The following PXT1 variants were observed in gnomAD, a reference collection of about 807,000 sequenced individuals.
The protein encoded by PXT1 is peroxisomal testis enriched protein 1.
Under a neutral mutation model 11.0 loss-of-function variants are expected in PXT1, and 11 were observed. The observed-to-expected ratio is 1.00, with a 90% CI of 0.63 to 1.66. The LOEUF is 1.66. Ranked by LOEUF, PXT1 falls within the 40% of genes most tolerant of loss-of-function variation. PXT1 has a pLI of 0.00. For missense variants in PXT1, 141 were observed against 155.5 expected (o/e 0.91, Z 0.49); for synonymous variants, 43 against 51.4 (o/e 0.84, Z 0.70).
chr6:36,411,312 A>G (rs1424588291), intron 3 of PXT1, among the ~76,000 whole-genome samples: 20 of 152,184 alleles, frequency 1.3e-4, no homozygotes, highest in African/African-American at 4.8e-4. Flanking sequence ...TTAGCTGGGC[A>G]TGGTGGTGCA....
intron 1 of PXT1, among the ~76,000 whole-genome samples, chr6:36,440,724 C>G (rs189744039): frequency 1.3e-5 from 2 of 152,050 alleles, no homozygotes; most frequent in Non-Finnish European, 2.9e-5. Context: ...TCTCATATCC[C>G]GTCTCCTTGA....
At chr6:36,418,190 C>T (rs539150098) in intron 3 of PXT1, among the ~76,000 whole-genome samples, 63 of 148,814 alleles carry the variant, frequency 4.2e-4, no homozygotes, top group Admixed American at 2.8e-3. Context: ...AGCGAGACTC[C>T]GTCTCAAAAA....
At chr6:36,396,930 G>A (rs6937326) in intron 4 of PXT1, among the ~76,000 whole-genome samples, 11,565 of 152,074 alleles carry the variant, frequency 0.076, 486 homozygotes, top group Middle Eastern at 0.11. Context: ...TCCCAGGGCC[G>A]CCTCTCCACT....
rs112777415 is a variant in PXT1 at position 36,429,508 on chromosome 6, C to CTTTTTT, written c.-9-3423_-9-3418dup. ...CTTTTCTTTTTTCTTTTTTTCTTTT[C>CTTTTTT]TTTTTTTTTTTTTTGAGATGGAGTT... is the stretch of plus-strand genomic sequence containing the variant. On this transcript the variant is annotated intron_variant, in intron 2 of 4. Transcript: ENST00000454782. Among the ~76,000 whole-genome samples the CTTTTTT allele has an allele frequency of 4.9e-4, 53 of 108,174 alleles. 1 individual carries two copies. Among genetic ancestry groups the CTTTTTT allele is most frequent in the African/African-American group, 1.8e-3 (47 of 26,456 alleles). The allele number at this position is 108,174 out of a possible 152,430, so 71.0% of individuals were successfully genotyped here. A position where few individuals can be genotyped will look rare whatever the true frequency, so the allele number is the denominator to read the frequency against.
chr6:36,425,805 AATATAT>A (rs148236984), intron 3 of PXT1, 103 bp downstream of exon 3: 17 of 335,668 alleles, frequency 5.1e-5, no homozygotes, highest in African/African-American at 2.5e-4. Flanking sequence ...AAAAACAAAA[AATATAT>A]ATATATATAT....
At chr6:36,435,192 C>A (rs964311737) in intron 2 of PXT1, among the ~76,000 whole-genome samples, 1 of 152,142 alleles carries the variant, frequency 6.6e-6, no homozygotes. Flanking sequence ...TTAATCCCAG[C>A]ATTTGGGAGG....
At chr6:36,423,304 C>G (rs897531398) in intron 3 of PXT1, among the ~76,000 whole-genome samples, 1 of 152,388 alleles carries the variant, frequency 6.6e-6, no homozygotes, top group East Asian at 1.9e-4. Flanking sequence ...CGCCAGAGAG[C>G]GCCGCCAGGT....
intron 2 of PXT1, among the ~76,000 whole-genome samples, chr6:36,429,508 C>CTTTTTTTTTTT (rs112777415): frequency 9.2e-6 from 1 of 108,214 alleles, no homozygotes; most frequent in African/African-American, 3.8e-5. Flanking sequence ...TTTTTCTTTT[C>CTTTTTTTTTTT]TTTTTTTTTT....
intron 3 of PXT1, among the ~76,000 whole-genome samples, chr6:36,419,128 GA>G (rs1364560998): frequency 1.3e-5 from 2 of 152,246 alleles, no homozygotes; most frequent in East Asian, 3.9e-4. Context: ...ACAATCACCT[GA>G]AAAAAAGTGA....
intron 3 of PXT1, among the ~76,000 whole-genome samples, chr6:36,410,048 C>T (rs1443273120): frequency 6.7e-6 from 1 of 149,694 alleles, no homozygotes; most frequent in Non-Finnish European, 1.5e-5. Context: ...GGCTGGGGGA[C>T]TCGGTGGCTC....
chr6:36,430,369 C>T (rs629297), intron 2 of PXT1, among the ~76,000 whole-genome samples: 64,866 of 151,916 alleles, frequency 0.43, 15,207 homozygotes, highest in African/African-American at 0.6. Flanking sequence ...CCCTACCAGG[C>T]AGAATGGACT....
intron 2 of PXT1, among the ~76,000 whole-genome samples, chr6:36,428,746 CTT>C (rs59081249): frequency 1.4e-4 from 21 of 146,582 alleles, no homozygotes; most frequent in South Asian, 2.2e-4. Context: ...TCATCTAAAA[CTT>C]TTTTTTTTTT....
intron 3 of PXT1, among the ~76,000 whole-genome samples, chr6:36,424,612 C>T (rs990535103): frequency 6.6e-6 from 1 of 152,206 alleles, no homozygotes; most frequent in Non-Finnish European, 1.5e-5. Flanking sequence ...GCACTCCAGC[C>T]TGGGTGACAG....
intron 3 of PXT1, among the ~76,000 whole-genome samples, chr6:36,425,667 A>G (rs1176843350): frequency 6.6e-6 from 1 of 151,760 alleles, no homozygotes; most frequent in African/African-American, 2.4e-5. Context: ...GGGCGCCTGC[A>G]ATCCCAGCTA....
At chr6:36,411,426 G>A (rs549977604) in intron 3 of PXT1, among the ~76,000 whole-genome samples, 35 of 152,228 alleles carry the variant, frequency 2.3e-4, no homozygotes, top group Non-Finnish European at 4.7e-4. Context: ...ACTTCAGCCT[G>A]GGCAACAAGA....
intron 4 of PXT1, chr6:36,393,044 T>G (rs1300140020): frequency 6.6e-6 from 1 of 152,242 alleles, no homozygotes; most frequent in East Asian, 1.9e-4. Flanking sequence ...CGATCTCGGC[T>G]CACCACAACC....
intron 3 of PXT1, among the ~76,000 whole-genome samples, chr6:36,423,012 C>T (rs1774544326): frequency 6.8e-6 from 1 of 146,650 alleles, no homozygotes; most frequent in Non-Finnish European, 1.5e-5. Flanking sequence ...TCTGGACTTC[C>T]CACGACCCTC....
chr6:36,425,984 G>GT lies in PXT1; in HGVS notation c.98dup (p.Tyr33Ter). ...THCCKSLWLKYSFQKAYMTQL... is the reference protein window; with the variant it reads ...THCCKSLWLK The stretch of plus-strand genomic sequence containing the variant: ...GGGTCATGTATGCCTTCTGAAAACT[G>GT]TATTTTAACCACAGTGATTTGCAAC... Residue 33 changes from tyrosine (Y) to a stop codon, truncating the protein, a stop_gained and frameshift_variant, in exon 3 of 5, where the codon TAC (tyrosine) becomes TAAC (stop). Coordinates refer to ENST00000454782, the MANE Select transcript of PXT1 (RefSeq NM_152990.4). LOFTEE classifies it high-confidence loss of function. 1.3e-6 allele frequency: 2 copies of GT among 1,535,204 alleles called. No homozygotes were observed. Among genetic ancestry groups the GT allele is most frequent in the South Asian group, 2.4e-5 (2 of 83,662 alleles).
chr6:36,442,660 T>A lies in PXT1; in HGVS notation c.-255A>T, dbSNP rs1346806388. 6.6e-6 allele frequency: 1 copy of A among 152,356 alleles called. No homozygotes were observed. Among genetic ancestry groups the A allele is most frequent in the Admixed American group, 6.5e-5 (1 of 15,304 alleles). The allele number at this position is 152,356 out of a possible 1,614,324, so 9.4% of individuals were successfully genotyped here. Reference sequence around the variant, plus strand: ...AGCAACTCCAGTATTCTTACTACGCTACCTCCAACCTCGCTCCACGCATGG... The same window carrying A: ...AGCAACTCCAGTATTCTTACTACGCAACCTCCAACCTCGCTCCACGCATGG... On this transcript the variant is annotated 5_prime_UTR_variant, in exon 1 of 5. An upstream open reading frame in the 5' UTR loses its in-frame stop. Coordinates refer to ENST00000454782, the MANE Select transcript of PXT1 (RefSeq NM_152990.4).
Sources: allele counts gnomAD v4.1 joint callset (sites outside exome capture counted in the v4.1 genomes callset), GRCh38; gene constraint gnomAD v4.1.1; transcripts MANE v1.5; gene names NCBI Gene and HGNC (gene_info 2026-07-23, HGNC 2026-07-21).